Variants in INCENP observed in about 807,000 individuals in gnomAD.
INCENP encodes the protein binds and activates aurora-B and -C in vivo and in vitro.
INCENP carries 43 observed loss-of-function variants against 107.3 expected under a neutral mutation model. That is an observed-to-expected ratio of 0.40 (90% CI 0.31 to 0.52). The LOEUF is 0.52. INCENP is among the 20% of genes least tolerant of loss of function. INCENP has a pLI of 0.53. For synonymous variants in INCENP, 488 were observed against 494.4 expected (o/e 0.99, Z 0.17); for missense variants, 1,089 against 1,250.9 (o/e 0.87, Z 1.95).
chr11:62,140,947 T>C lies in INCENP; in HGVS notation c.1496T>C (p.Val499Ala), dbSNP rs1590620396. The C allele has an allele frequency of 6.2e-7, 1 of 1,614,242 alleles. No individual in the cohort carries two copies. Among genetic ancestry groups the C allele is most frequent in the Non-Finnish European group, 8.5e-7 (1 of 1,180,042 alleles). ...VRPLRTFLHT[V>A]QRNQMLMTPT... ...CCCCTCCGGACCTTTCTGCACACAG[T>C]GCAGAGGAACCAGATGCTCATGACC... is the stretch of plus-strand genomic sequence containing the variant. Residue 499 changes from valine (V) to alanine (A), a missense_variant, in exon 10 of 19, where the codon GTG (valine) becomes GCG (alanine). Val to Ala is a moderately conservative substitution (Grantham distance 64). Transcript: ENST00000394818.
rs544720995 is a variant in INCENP, at chr11:62,148,463, G to A, written c.2205-13G>A. The A allele has an allele frequency of 1.9e-6, 3 of 1,595,090 alleles. No homozygotes were observed. The highest frequency in any genetic ancestry group is 2.6e-6 in the Non-Finnish European group (3 of 1,172,222). On this transcript the variant is annotated splice_polypyrimidine_tract_variant and intron_variant, in intron 15 of 18. Transcript: ENST00000394818. ...CCACTTCCTGTCCTAACAGGCTCTT[G>A]CTGGGTCCTCAGGGAGCTGCAGGAG...
In INCENP at chr11:62,146,794, AGC is replaced by A. The variant is rs1565101653; in HGVS notation, c.2097_2098del (p.Gln700GlyfsTer69). The stretch of plus-strand genomic sequence containing the variant: ...GAGCGGCGGGAGCAGGAGCGGCGCG[AGC>A]AGGAGCGGCGCGAGCAGGAGCGGCG... On this transcript the variant is annotated frameshift_variant, in exon 15 of 19. Transcript: ENST00000394818. LOFTEE classifies it high-confidence loss of function. The A allele has an allele frequency of 7.2e-6, 11 of 1,535,268 alleles. No individual in the cohort carries two copies. The highest frequency in any genetic ancestry group is 1.4e-5 in the African/African-American group (1 of 71,428).
At position 62,128,436 on chromosome 11, in the gene INCENP, G is replaced by C. The variant is rs568317917; in HGVS notation, c.140+135G>C. Reference sequence around the variant, plus strand: ...CTGTCAGGGCTCCCTGCTGTATACTGTGTGTGCAGTGTGCTGGGGGCCTGA... The same window carrying C: ...CTGTCAGGGCTCCCTGCTGTATACTCTGTGTGCAGTGTGCTGGGGGCCTGA... On this transcript the variant is annotated intron_variant, in intron 2 of 18. Coordinates refer to ENST00000394818, the MANE Select transcript of INCENP (RefSeq NM_001040694.2). 3.2e-5 allele frequency: 29 copies of C among 897,548 alleles called. 1 individual carries two copies. In the South Asian group the frequency reaches 4.1e-4, roughly 13 times the overall value. The allele number at this position is 897,548 out of a possible 1,614,324, so 55.6% of individuals were successfully genotyped here.
At chr11:62,144,727 T>C in intron 11 of INCENP, 3 of 742,812 alleles carry the variant, frequency 4.0e-6, no homozygotes, top group Non-Finnish European at 7.4e-6. Context: ...TGCCCAAAAC[T>C]TGGCAGGGCT....
chr11:62,151,868 G>C lies in INCENP; in HGVS notation c.2649G>C (p.Lys883Asn). ...LPLDLEDIFKKSKPRYHKRTS... is the reference protein window; with the variant it reads ...LPLDLEDIFKNSKPRYHKRTS... ...TGGACTTGGAGGATATCTTCAAGAA[G>C]AGCAAGCCCCGCTATCACAAGCGCA... Residue 883 changes from lysine to asparagine, a missense_variant, in exon 19 of 19, where the codon AAG (lysine) becomes AAC (asparagine). Physicochemically the swap from Lys to Asn is moderately conservative, Grantham distance 94 (BLOSUM62 0). Coordinates refer to ENST00000394818, the MANE Select transcript of INCENP (RefSeq NM_001040694.2). 6.2e-7 allele frequency: 1 copy of C among 1,614,202 alleles called. No homozygotes were observed. Among genetic ancestry groups the C allele is most frequent in the Non-Finnish European group, 8.5e-7 (1 of 1,180,038 alleles).
At chr11:62,126,448 G>C (rs1168137351) in intron 1 of INCENP, among the ~76,000 whole-genome samples, 1 of 152,200 alleles carries the variant, frequency 6.6e-6, no homozygotes, top group East Asian at 1.9e-4. Flanking sequence ...TGCCCACTTC[G>C]GCCTTCTAAA....
In INCENP at chr11:62,145,023, G is replaced by A. The variant is rs145536729; in HGVS notation, c.1647G>A (p.Glu549=). ...GCCTGGAGAATCTGCGGCGGAAGGA[G>A]GAGGCCGAGCAGCTGCGCAGGCAGA... ...RQRLENLRRK[E]EAEQLRRQKV... is the part of the protein sequence containing the mutation. The change falls in exon 12 of 19, where the codon GAG becomes GAA. Residue 549 remains glutamate, a synonymous_variant. Coordinates refer to ENST00000394818, the MANE Select transcript of INCENP (RefSeq NM_001040694.2). 3.1e-6 allele frequency: 5 copies of A among 1,608,104 alleles called. No homozygotes were observed. In the African/African-American group the frequency reaches 6.7e-5, roughly 22 times the overall value.
intron 4 of INCENP, among the ~76,000 whole-genome samples, chr11:62,132,610 G>C (rs898918923): frequency 1.3e-5 from 2 of 152,232 alleles, no homozygotes; most frequent in Non-Finnish European, 2.9e-5. Flanking sequence ...TGGGCCTGTA[G>C]AGGGAGGGCC....
At chr11:62,124,875 T>C (rs1157696015) in intron 1 of INCENP, among the ~76,000 whole-genome samples, 1 of 152,200 alleles carries the variant, frequency 6.6e-6, no homozygotes, top group Non-Finnish European at 1.5e-5. Context: ...AAGGTTGTGG[T>C]GAGAATTAAA....
rs1944215002 is a variant in INCENP, at chr11:62,145,196, G to A, written c.1743G>A (p.Val581=). The A allele has an allele frequency of 6.2e-7, 1 of 1,614,158 alleles. No homozygotes were observed. The highest frequency in any genetic ancestry group is 8.5e-7 in the Non-Finnish European group (1 of 1,180,038). Reference sequence around the variant, plus strand: ...AGCGTGAGGAACGCCTCCGCAAGGTGCTGCAGGCCCGCGAGCGGGTGGAGC... The same window carrying A: ...AGCGTGAGGAACGCCTCCGCAAGGTACTGCAGGCCCGCGAGCGGGTGGAGC... ...KLKREERLRK[V]LQARERVEQM... Residue 581 remains valine, a synonymous_variant, in exon 13 of 19, where the codon GTG becomes GTA. Coordinates refer to ENST00000394818, the MANE Select transcript of INCENP (RefSeq NM_001040694.2).
chr11:62,144,931 G>T (rs748911743), intron 11 of INCENP, 51 bp from the exon 12 acceptor site: 29 of 1,504,014 alleles, frequency 1.9e-5, no homozygotes, highest in East Asian at 2.3e-5. Flanking sequence ...GGGGCTGGGT[G>T]GGGGGTCGTC....
rs745473433 is a variant in INCENP, at chr11:62,146,836, G to A, written c.2138G>A (p.Arg713His). The A allele has an allele frequency of 1.5e-5, 23 of 1,550,816 alleles. No homozygotes were observed. The East Asian group carries it at 2.4e-4, about 16-fold the overall frequency. ...REQERREQER[R>H]EQERQLAEQE... The stretch of plus-strand genomic sequence containing the variant: ...CAGGAGCGGCGGGAGCAGGAGCGGC[G>A]CGAGCAGGAGCGACAGCTGGCAGAG... Residue 713 changes from arginine to histidine, a missense_variant, in exon 15 of 19, where the codon CGC becomes CAC. By Grantham distance (29) the Arg-to-His change is conservative. Transcript: ENST00000394818.
intron 4 of INCENP, among the ~76,000 whole-genome samples, chr11:62,133,292 C>A (rs1455816046): frequency 6.6e-6 from 1 of 151,942 alleles, no homozygotes; most frequent in African/African-American, 2.4e-5. Flanking sequence ...ACACCTGCAC[C>A]AGAGGAATGG....
chr11:62,144,475 T>G (rs969571715), intron 11 of INCENP, among the ~76,000 whole-genome samples: 1 of 152,182 alleles, frequency 6.6e-6, no homozygotes, highest in Non-Finnish European at 1.5e-5. Context: ...TCAACTATTA[T>G]GAAATAGTTG....
chr11:62,137,398 G>A (rs1404316196), intron 4 of INCENP, among the ~76,000 whole-genome samples: 1 of 152,254 alleles, frequency 6.6e-6, no homozygotes, highest in African/African-American at 2.4e-5. Context: ...AGACCAGATG[G>A]TGGTTCTGTT....
rs140220207 is a variant in INCENP, at chr11:62,141,442, G to T, written c.1594-58G>T. ...GCACAGCTGGGCATGTGGCCTGCCC[G>T]GCAGGATGCTCCCCGGCCTGGCATT... On this transcript the variant is annotated intron_variant, in intron 10 of 18. Transcript: ENST00000394818. 2.5e-6 allele frequency: 4 copies of T among 1,612,148 alleles called. No homozygotes were observed. The African/African-American group carries it at 4.0e-5, about 16-fold the overall frequency.
At chr11:62,145,320 A>G (rs761001413) in intron 13 of INCENP, 31 bp downstream of exon 13, 1 of 1,612,756 alleles carries the variant, frequency 6.2e-7, no homozygotes, top group African/African-American at 1.3e-5. Flanking sequence ...GGCCCAGGCA[A>G]TTCAGGACTT....
At chr11:62,149,610 T>C (rs997527345) in intron 17 of INCENP, among the ~76,000 whole-genome samples, 71 of 151,606 alleles carry the variant, frequency 4.7e-4, no homozygotes, top group African/African-American at 1.7e-3. Flanking sequence ...GAGTCGTGTG[T>C]GTTCTGTGAC....
chr11:62,131,891 C>T (rs1012637486), intron 4 of INCENP, among the ~76,000 whole-genome samples: 1 of 152,066 alleles, frequency 6.6e-6, no homozygotes, highest in Non-Finnish European at 1.5e-5. Flanking sequence ...AAGCAATTCT[C>T]CTGCCTCAGT....
Sources: gnomAD v4.1 joint callset for allele counts (sites outside exome capture counted in the v4.1 genomes callset) on GRCh38, gnomAD v4.1.1 for gene constraint, MANE v1.5 for transcripts, NCBI Gene and HGNC (gene_info 2026-07-23, HGNC 2026-07-21) for gene names.